SH3PXD2A: variants seen among roughly 807,000 people sequenced by gnomAD.
SH3PXD2A encodes the protein SH3 and PX domains 2A.
Under a neutral mutation model 115.2 loss-of-function variants are expected in SH3PXD2A, and 32 were observed. The observed-to-expected ratio is 0.28, with a 90% CI of 0.21 to 0.37. The LOEUF (loss-of-function observed/expected upper bound fraction) is 0.37. Among genes scored for constraint, SH3PXD2A ranks in the 10% least tolerant of loss-of-function variants. The pLI is 1.00. For synonymous variants in SH3PXD2A, 610 were observed against 629.1 expected (o/e 0.97, Z 0.45); for missense variants, 1,328 against 1,498.7 (o/e 0.89, Z 1.88).
At chr10:103,632,886 A>G (rs1184020022) in intron 8 of SH3PXD2A, among the ~76,000 whole-genome samples, 1 of 152,110 alleles carries the variant, frequency 6.6e-6, no homozygotes, top group Non-Finnish European at 1.5e-5. Flanking sequence ...GAGGCAGGAG[A>G]ATCGCTTGAA....
intron 2 of SH3PXD2A, among the ~76,000 whole-genome samples, chr10:103,780,092 G>T (rs1449134250): frequency 2.0e-5 from 3 of 152,234 alleles, no homozygotes; most frequent in Non-Finnish European, 1.5e-5. Flanking sequence ...ATCAAATTCA[G>T]ACTGAAATCT....
chr10:103,683,112 C>T (rs1035918936), intron 6 of SH3PXD2A, among the ~76,000 whole-genome samples: 63 of 152,210 alleles, frequency 4.1e-4, no homozygotes, highest in Middle Eastern at 3.4e-3. Flanking sequence ...GTAATCCCAA[C>T]ACTTTAGGAG....
intron 5 of SH3PXD2A, among the ~76,000 whole-genome samples, chr10:103,716,689 G>T (rs957357224): frequency 1.3e-5 from 2 of 152,152 alleles, no homozygotes; most frequent in African/African-American, 2.4e-5. Context: ...CAAGAAGAAA[G>T]ATACTAAGTG....
At chr10:103,625,814 C>T (rs1287958928) in intron 9 of SH3PXD2A, among the ~76,000 whole-genome samples, 1 of 152,228 alleles carries the variant, frequency 6.6e-6, no homozygotes, top group Non-Finnish European at 1.5e-5. Context: ...TGCTTGAGCC[C>T]AGGTGGCAGA....
rs1013804726 is a variant in SH3PXD2A, at chr10:103,666,487, G to C, written c.472+2121C>G. Among the ~76,000 whole-genome samples the C allele has an allele frequency of 6.6e-6, 1 of 152,150 alleles. No homozygotes were observed. Among genetic ancestry groups the C allele is most frequent in the African/African-American group, 2.4e-5 (1 of 41,422 alleles). The stretch of plus-strand genomic sequence containing the variant: ...CTCCCCAACCAAAGTATGTGCCTTG[G>C]ACAAGAGTCTCTCGACACTCCAGGA... On this transcript the variant is annotated intron_variant, in intron 7 of 14. Coordinates refer to ENST00000369774, the MANE Select transcript of SH3PXD2A (RefSeq NM_001394015.1). This position sits in a 1 kb window ranked among gnomAD's most constrained non-coding sequence, Gnocchi z 4.5.
chr10:103,855,180 G>T lies in SH3PXD2A; in HGVS notation c.72+15C>A, dbSNP rs767245811. On this transcript the variant is annotated intron_variant, in intron 1 of 14. Coordinates refer to ENST00000369774, the MANE Select transcript of SH3PXD2A (RefSeq NM_001394015.1). ...TCGGGCCACCCCCAGCAGGGTCGGC[G>T]GGGGCTGTACTCACGTAGTGCTTGG... is the stretch of plus-strand genomic sequence containing the variant. 2 of 1,520,142 alleles carry T rather than the reference G, an allele frequency of 1.3e-6. No individual in the cohort carries two copies. The highest frequency in any genetic ancestry group is 2.8e-5 in the African/African-American group (2 of 71,298). 94.2% of individuals were successfully genotyped at this position (1,520,142 alleles called of 1,614,324 possible). A position where few individuals can be genotyped will look rare whatever the true frequency, so the allele number is the denominator to read the frequency against.
At position 103,666,058 on chromosome 10, in the gene SH3PXD2A, C is replaced by G. The variant is rs2037379950; in HGVS notation, c.472+2550G>C. ...ACCTGGATGGAACCCTGGCTGCCAA[C>G]TTAAACTTCTCAACTGGGCTTTTGC... On this transcript the variant is annotated intron_variant, in intron 7 of 14. Transcript: ENST00000369774. This position sits in a 1 kb window ranked among gnomAD's most constrained non-coding sequence, Gnocchi z 4.5. Among the ~76,000 whole-genome samples, 4 of 152,194 alleles carry G rather than the reference C, an allele frequency of 2.6e-5. No homozygotes were observed. The South Asian group carries it at 6.2e-4, about 24-fold the overall frequency.
At chr10:103,766,818 G>T (rs1328679080) in intron 3 of SH3PXD2A, among the ~76,000 whole-genome samples, 1 of 152,144 alleles carries the variant, frequency 6.6e-6, no homozygotes, top group Admixed American at 6.5e-5. Context: ...TGTGCTTTTT[G>T]TGAAAAGGAA....
In SH3PXD2A at chr10:103,603,633, TG is replaced by T; in HGVS notation, c.1584del (p.Ser529AlafsTer43). On this transcript the variant is annotated frameshift_variant, in exon 15 of 15. Transcript: ENST00000369774. LOFTEE classifies it high-confidence loss of function. ...CCCTCCTCGGCCTCCTTGGGCTTGC[TG>T]GGGGGTGCTGGCGGGGGCACCTTGG... ...TRPKVPPPAP[P>X]SKPKEAEEGP... 1 of 1,604,476 alleles carries T rather than the reference TG, an allele frequency of 6.2e-7. No individual in the cohort carries two copies. Among genetic ancestry groups the T allele is most frequent in the South Asian group, 1.1e-5 (1 of 89,476 alleles).
At chr10:103,699,383 G>A (rs139525156) in intron 5 of SH3PXD2A, among the ~76,000 whole-genome samples, 184 of 152,296 alleles carry the variant, frequency 1.2e-3, no homozygotes, top group Middle Eastern at 3.4e-3. Context: ...GTCTGTCTGC[G>A]TATCGAGCTG....
At chr10:103,804,378 G>C (rs568143717) in intron 1 of SH3PXD2A, among the ~76,000 whole-genome samples, 1 of 130,888 alleles carries the variant, frequency 7.6e-6, no homozygotes, top group African/African-American at 2.9e-5. Flanking sequence ...TTGGAGTGCA[G>C]TGGCGTGATC....
intron 5 of SH3PXD2A, among the ~76,000 whole-genome samples, chr10:103,701,873 A>C (rs907281476): frequency 1.3e-5 from 2 of 149,584 alleles, no homozygotes; most frequent in Non-Finnish European, 3.0e-5. Flanking sequence ...CCATCTATCC[A>C]TCTATCATCC....
chr10:103,790,243 C>T (rs1675586313), intron 2 of SH3PXD2A, among the ~76,000 whole-genome samples: 2 of 151,888 alleles, frequency 1.3e-5, no homozygotes, highest in African/African-American at 4.8e-5. Context: ...CAAGCTCCGC[C>T]TCCCGGGTTC....
At chr10:103,738,903 T>C (rs1010238190) in intron 3 of SH3PXD2A, among the ~76,000 whole-genome samples, 1 of 151,974 alleles carries the variant, frequency 6.6e-6, no homozygotes, top group East Asian at 1.9e-4. Context: ...CAAGCAATTC[T>C]CCTACTTCAG....
chr10:103,640,448 C>T (rs866929916), intron 8 of SH3PXD2A, among the ~76,000 whole-genome samples: 11 of 152,100 alleles, frequency 7.2e-5, no homozygotes, highest in Admixed American at 1.3e-4. Flanking sequence ...CAGCCTGGCA[C>T]ACGGATCCCC....
intron 7 of SH3PXD2A, 63 bp from the exon 8 acceptor site, chr10:103,661,177 C>T: frequency 6.3e-7 from 1 of 1,576,634 alleles, no homozygotes; most frequent in South Asian, 1.2e-5. Flanking sequence ...GCCAGGGCGC[C>T]CCCTGTCCAT....
intron 2 of SH3PXD2A, among the ~76,000 whole-genome samples, chr10:103,795,042 T>C (rs2039073098): frequency 6.6e-6 from 1 of 152,164 alleles, no homozygotes; most frequent in Non-Finnish European, 1.5e-5. Context: ...GCCTGTTGTG[T>C]GTTCAAAGTT....
intron 5 of SH3PXD2A, among the ~76,000 whole-genome samples, chr10:103,698,803 G>A (rs932453713): frequency 6.6e-6 from 1 of 152,090 alleles, no homozygotes; most frequent in Non-Finnish European, 1.5e-5. Context: ...TACACTCAGT[G>A]CAGAGAAAAG....
intron 5 of SH3PXD2A, among the ~76,000 whole-genome samples, chr10:103,703,924 C>T (rs1340375735): frequency 6.6e-6 from 1 of 152,108 alleles, no homozygotes; most frequent in East Asian, 1.9e-4. Flanking sequence ...CCAGCTCTGC[C>T]AGACAGATTA....
Sources: gnomAD v4.1 joint callset for allele counts (sites outside exome capture counted in the v4.1 genomes callset) on GRCh38, gnomAD v4.1.1 for gene constraint, Gnocchi (gnomAD v3.1) non-coding constraint, MANE v1.5 for transcripts, NCBI Gene and HGNC (gene_info 2026-07-23, HGNC 2026-07-21) for gene names.